The following DLGAP2 variants were observed in gnomAD, a reference collection of about 807,000 sequenced individuals.
DLGAP2 encodes disks large-associated protein 2.
In DLGAP2, 26 loss-of-function variants were observed where a neutral mutation model predicts 100.3. That is an observed-to-expected ratio of 0.26 (90% CI 0.19 to 0.36). The LOEUF is 0.36. DLGAP2 is among the 10% of genes least tolerant of loss of function. The probability of loss-of-function intolerance (pLI) is 1.00; values close to 1 mark genes in which losing one functional copy is unlikely to be tolerated. For missense variants in DLGAP2, 1,858 were observed against 1,453.2 expected, an observed-to-expected ratio of 1.28 and a Z score of -4.53; for synonymous variants, 886 against 630.1, an observed-to-expected ratio of 1.41 and a Z score of -6.08.
intron 2 of DLGAP2, among the ~76,000 whole-genome samples, chr8:1,142,088 T>A (rs1796531312): frequency 6.6e-6 from 1 of 150,792 alleles, no homozygotes; most frequent in Non-Finnish European, 1.5e-5. Flanking sequence ...TTTTTTTTGC[T>A]ATGAAATTGC....
intron 8 of DLGAP2, among the ~76,000 whole-genome samples, chr8:1,650,717 G>A (rs961992625): frequency 4.0e-5 from 6 of 150,814 alleles, no homozygotes; most frequent in African/African-American, 9.9e-5. Flanking sequence ...ACAGAAGCTT[G>A]GGTGACAGTT....
At chr8:1,203,413 C>T (rs55635544) in intron 2 of DLGAP2, among the ~76,000 whole-genome samples, 68,989 of 123,530 alleles carry the variant, frequency 0.56, 22,515 homozygotes, top group African/African-American at 0.84. Flanking sequence ...GGTGTTAGAA[C>T]CCATGAGACT....
At chr8:977,058 A>G (rs753848231) in intron 2 of DLGAP2, among the ~76,000 whole-genome samples, 1 of 152,256 alleles carries the variant, frequency 6.6e-6, no homozygotes, top group Non-Finnish European at 1.5e-5. Flanking sequence ...ATGGATTGGT[A>G]GCCAGGATTT....
intron 3 of DLGAP2, among the ~76,000 whole-genome samples, chr8:1,454,392 C>A (rs771729589): frequency 6.6e-6 from 1 of 151,924 alleles, no homozygotes. Context: ...CTGAAACTAC[C>A]GTCCCTGCGT....
At chr8:1,364,890 C>T (rs1802074051) in intron 3 of DLGAP2, among the ~76,000 whole-genome samples, 2 of 152,164 alleles carry the variant, frequency 1.3e-5, no homozygotes, top group African/African-American at 4.8e-5. Flanking sequence ...CTCTTATCTT[C>T]ATGGCAGGGG....
intron 2 of DLGAP2, among the ~76,000 whole-genome samples, chr8:1,180,441 C>T (rs551537728): frequency 6.6e-6 from 1 of 152,256 alleles, no homozygotes; most frequent in African/African-American, 2.4e-5. Context: ...AAGCAGTCCT[C>T]TGCTTCAGGC....
intron 6 of DLGAP2, among the ~76,000 whole-genome samples, chr8:1,583,801 A>G (rs1368967886): frequency 6.6e-6 from 1 of 151,902 alleles, no homozygotes; most frequent in East Asian, 1.9e-4. Flanking sequence ...GAGACCCTCC[A>G]CGCGCTGGTT....
rs531286425 is a variant in DLGAP2 at position 787,671 on chromosome 8, G to T, written c.18+49846G>T. Among the ~76,000 whole-genome samples the T allele has an allele frequency of 1.1e-3, 167 of 152,256 alleles. 1 individual carries two copies. Among genetic ancestry groups the T allele is most frequent in the African/African-American group, 3.9e-3 (163 of 41,540 alleles). On this transcript the variant is annotated intron_variant, in intron 1 of 14. Coordinates refer to ENST00000637795, the MANE Select transcript of DLGAP2 (RefSeq NM_001346810.2). Reference sequence around the variant, plus strand: ...CCCCCCTTGGCCTTGTCTTGCTCCGGGCCCCCTTGCCAAATGGCTTTCTCA... The same window carrying T: ...CCCCCCTTGGCCTTGTCTTGCTCCGTGCCCCCTTGCCAAATGGCTTTCTCA...
At chr8:1,001,913 C>T (rs1025650338) in intron 2 of DLGAP2, among the ~76,000 whole-genome samples, 16 of 152,142 alleles carry the variant, frequency 1.1e-4, no homozygotes, top group Non-Finnish European at 1.5e-5. Context: ...GAAAAGTGAT[C>T]CCTGTTAAAG....
intron 2 of DLGAP2, among the ~76,000 whole-genome samples, chr8:986,087 G>A (rs1188595438): frequency 2.0e-5 from 3 of 151,710 alleles, no homozygotes; most frequent in Admixed American, 1.3e-4. Context: ...TGATATCCAC[G>A]TTATTAGGGG....
chr8:805,513 C>G (rs956216292), intron 1 of DLGAP2, among the ~76,000 whole-genome samples: 8 of 152,322 alleles, frequency 5.3e-5, no homozygotes, highest in Non-Finnish European at 7.3e-5. Flanking sequence ...GCTCCCAGCT[C>G]GCAATCGGGT....
chr8:1,085,679 T>C (rs968316599), intron 2 of DLGAP2, among the ~76,000 whole-genome samples: 1 of 152,242 alleles, frequency 6.6e-6, no homozygotes, highest in African/African-American at 2.4e-5. Context: ...CACTTTGTAG[T>C]ATAGATTGAA....
At chr8:868,793 C>T (rs1168144002) in intron 1 of DLGAP2, among the ~76,000 whole-genome samples, 1 of 152,168 alleles carries the variant, frequency 6.6e-6, no homozygotes, top group Non-Finnish European at 1.5e-5. Flanking sequence ...TCATCTGAGG[C>T]CACCGCACCT....
intron 3 of DLGAP2, among the ~76,000 whole-genome samples, chr8:1,344,117 G>GTGGGTCCGTGTACTGT (rs1801488412): frequency 8.0e-6 from 1 of 125,632 alleles, no homozygotes; most frequent in African/African-American, 2.9e-5. Flanking sequence ...CCATGTATTC[G>GTGGGTCCGTGTACTGT]GGGCCCTGTC....
At chr8:1,637,968 A>C (rs138766773) in intron 8 of DLGAP2, among the ~76,000 whole-genome samples, 267 of 152,366 alleles carry the variant, frequency 1.8e-3, no homozygotes, top group African/African-American at 6.1e-3. Flanking sequence ...GGGAGGTGCC[A>C]GCCTGAAGTA....
chr8:1,560,533 G>A (rs1802122391), intron 5 of DLGAP2, among the ~76,000 whole-genome samples: 1 of 152,092 alleles, frequency 6.6e-6, no homozygotes, highest in African/African-American at 2.4e-5. Flanking sequence ...CTGACCCTGG[G>A]CTGCATTGTC....
intron 2 of DLGAP2, among the ~76,000 whole-genome samples, chr8:913,000 G>A (rs1386479183): frequency 6.6e-6 from 1 of 152,244 alleles, no homozygotes; most frequent in Non-Finnish European, 1.5e-5. Context: ...TTGTTTAGTT[G>A]TGCATTGGCA....
At chr8:1,654,578 T>C (rs1046253877) in intron 8 of DLGAP2, among the ~76,000 whole-genome samples, 1 of 151,368 alleles carries the variant, frequency 6.6e-6, no homozygotes, top group African/African-American at 2.4e-5. Flanking sequence ...GGAGAATTAC[T>C]TGAACCCGGG....
At chr8:807,805 A>T (rs1796297084) in intron 1 of DLGAP2, among the ~76,000 whole-genome samples, 1 of 152,168 alleles carries the variant, frequency 6.6e-6, no homozygotes. Context: ...TTCCCTTTGA[A>T]CTTAAAGCTA....
Sources: allele counts gnomAD v4.1 joint callset (sites outside exome capture counted in the v4.1 genomes callset), GRCh38; gene constraint gnomAD v4.1.1; transcripts MANE v1.5; gene names NCBI Gene and HGNC (gene_info 2026-07-23, HGNC 2026-07-21).